SCAPER: variants seen among roughly 807,000 people sequenced by gnomAD.
SCAPER encodes S-phase cyclin A associated protein in the ER, also known as S phase cyclin A-associated protein in the endoplasmic reticulum.
SCAPER carries 98 observed loss-of-function variants against 182.2 expected under a neutral mutation model. The observed-to-expected ratio is 0.54, with a 90% CI of 0.46 to 0.64. The LOEUF is 0.64. SCAPER is among the 30% of genes least tolerant of loss of function. The pLI is 0.00. For synonymous variants in SCAPER, 605 were observed against 564.6 expected (o/e 1.07, Z -1.01); for missense variants, 1,432 against 1,690.0 (o/e 0.85, Z 2.68).
chr15:76,439,249 C>A (rs975249924), intron 25 of SCAPER, among the ~76,000 whole-genome samples: 2 of 152,048 alleles, frequency 1.3e-5, no homozygotes, highest in African/African-American at 4.8e-5. Flanking sequence ...TCAGGCCCAG[C>A]TAATATTTTA....
chr15:76,895,570 G>A (rs1248741824), intron 1 of SCAPER, among the ~76,000 whole-genome samples: 2 of 151,370 alleles, frequency 1.3e-5, no homozygotes, highest in Admixed American at 6.6e-5. Flanking sequence ...AAAAAGAAGT[G>A]AAATTGTCTG....
intron 27 of SCAPER, among the ~76,000 whole-genome samples, chr15:76,394,407 AATGTGGCAGT>A (rs2142045903): frequency 6.6e-6 from 1 of 152,312 alleles, no homozygotes; most frequent in African/African-American, 2.4e-5. Context: ...CAATCAACAG[AATGTGGCAGT>A]AGATTAGATC....
chr15:76,862,320 AAG>A, intron 3 of SCAPER, 94 bp downstream of exon 3: 1 of 685,614 alleles, frequency 1.5e-6, no homozygotes. Flanking sequence ...TCAGCCCTAG[AAG>A]TCTAATTGCA....
At chr15:76,798,276 C>T (rs1160807509) in intron 7 of SCAPER, among the ~76,000 whole-genome samples, 1 of 151,306 alleles carries the variant, frequency 6.6e-6, no homozygotes, top group Non-Finnish European at 1.5e-5. Context: ...ACGAGAATCG[C>T]TTGAACCCAG....
rs190440245 is a variant in SCAPER at position 76,603,177 on chromosome 15, C to T, written c.2711+18587G>A. ...ATTAGGTATATCTCCTAATGATATC[C>T]CTCCCCCTTCCTCCCACCCCACAAC... On this transcript the variant is annotated intron_variant, in intron 22 of 31. Transcript: ENST00000563290. 4.7e-4 allele frequency among the ~76,000 whole-genome samples: 56 copies of T among 118,028 alleles called. 3 individuals are homozygous for T. The highest frequency in any genetic ancestry group is 1.3e-3 in the African/African-American group (50 of 39,180). The allele number at this position is 118,028 out of a possible 152,430, so 77.4% of individuals were successfully genotyped here.
intron 5 of SCAPER, among the ~76,000 whole-genome samples, chr15:76,816,654 ATT>A (rs34237655): frequency 0.015 from 2,169 of 142,760 alleles, 22 homozygotes; most frequent in African/African-American, 0.03. Flanking sequence ...CAGTAACATA[ATT>A]TTTTTTTTTT....
intron 19 of SCAPER, among the ~76,000 whole-genome samples, 165 bp from the exon 20 acceptor site, chr15:76,702,030 A>C (rs2058980397): frequency 6.6e-6 from 1 of 152,056 alleles, no homozygotes. Flanking sequence ...ATCCTCTAGA[A>C]GGCAAATGGT....
chr15:76,557,244 A>T (rs1233684676), intron 23 of SCAPER, among the ~76,000 whole-genome samples: 10 of 149,966 alleles, frequency 6.7e-5, no homozygotes, highest in Non-Finnish European at 1.5e-4. Context: ...TCTCAGAATT[A>T]AAAAAAAAAA....
chr15:76,795,455 A>G lies in SCAPER; in HGVS notation c.612-15T>C. 6.7e-7 allele frequency: 1 copy of G among 1,497,494 alleles called. No individual in the cohort carries two copies. 92.8% of individuals were successfully genotyped at this position (1,497,494 alleles called of 1,614,324 possible). ...CAGTTGAACCTCTATGGAGAAAAAT[A>G]AACACATTTAATAAATTAAATATAA... On this transcript the variant is annotated splice_polypyrimidine_tract_variant and intron_variant, in intron 7 of 31. Coordinates refer to ENST00000563290, the MANE Select transcript of SCAPER (RefSeq NM_020843.4).
intron 8 of SCAPER, among the ~76,000 whole-genome samples, chr15:76,790,980 T>C (rs2064968714): frequency 6.6e-6 from 1 of 152,238 alleles, no homozygotes; most frequent in African/African-American, 2.4e-5. Flanking sequence ...ATCTCACAAG[T>C]TGTTAAATGT....
intron 23 of SCAPER, among the ~76,000 whole-genome samples, chr15:76,528,349 G>A (rs912468858): frequency 3.3e-5 from 5 of 151,860 alleles, no homozygotes; most frequent in East Asian, 1.9e-4. Context: ...CCTGTATCTC[G>A]AGTCTAGATC....
At chr15:76,427,990 T>C (rs2142442525) in intron 26 of SCAPER, among the ~76,000 whole-genome samples, 1 of 151,752 alleles carries the variant, frequency 6.6e-6, no homozygotes, top group Non-Finnish European at 1.5e-5. Flanking sequence ...GTCCCATCTA[T>C]TTGGGAGGCT....
chr15:76,469,145 C>T (rs2049928626), intron 25 of SCAPER, among the ~76,000 whole-genome samples: 1 of 152,116 alleles, frequency 6.6e-6, no homozygotes, highest in African/African-American at 2.4e-5. Context: ...TTTAAGTCTT[C>T]TTGTTCATTC....
chr15:76,508,521 T>G (rs763272195), intron 23 of SCAPER, among the ~76,000 whole-genome samples: 1 of 152,198 alleles, frequency 6.6e-6, no homozygotes, highest in Non-Finnish European at 1.5e-5. Context: ...GTTTGTGGTA[T>G]AGTGTTAATT....
chr15:76,613,021 TA>T (rs1374237582), intron 22 of SCAPER, among the ~76,000 whole-genome samples: 5 of 152,200 alleles, frequency 3.3e-5, no homozygotes, highest in Non-Finnish European at 7.3e-5. Context: ...GACTTCAAAC[TA>T]TACTACAGGG....
chr15:76,605,363 G>A, intron 22 of SCAPER, among the ~76,000 whole-genome samples: 1 of 152,156 alleles, frequency 6.6e-6, no homozygotes, highest in Non-Finnish European at 1.5e-5. Context: ...TTGCATCCCA[G>A]GGATGAATCC....
At chr15:76,874,941 G>T (rs1236269096) in intron 2 of SCAPER, among the ~76,000 whole-genome samples, 5 of 152,162 alleles carry the variant, frequency 3.3e-5, no homozygotes, top group Non-Finnish European at 7.3e-5. Flanking sequence ...ACTCCAGCCT[G>T]GGTGTGACAG....
intron 17 of SCAPER, among the ~76,000 whole-genome samples, chr15:76,718,942 C>A (rs913790385): frequency 1.3e-5 from 2 of 152,136 alleles, no homozygotes; most frequent in Admixed American, 6.6e-5. Context: ...CTCTTTTACA[C>A]TGTTGTTGAG....
chr15:76,491,350 T>C (rs2052285462), intron 24 of SCAPER, among the ~76,000 whole-genome samples: 1 of 152,210 alleles, frequency 6.6e-6, no homozygotes, highest in Admixed American at 6.5e-5. Flanking sequence ...CATTCACCAG[T>C]TTTGGGTGAT....
Sources: allele counts gnomAD v4.1 joint callset (sites outside exome capture counted in the v4.1 genomes callset), GRCh38; gene constraint gnomAD v4.1.1; transcripts MANE v1.5; gene names NCBI Gene and HGNC (gene_info 2026-07-23, HGNC 2026-07-21).